Variants in CUL4A observed in about 807,000 individuals in gnomAD.
The protein encoded by CUL4A is cullin 4A.
In CUL4A, 16 loss-of-function variants were observed where a neutral mutation model predicts 95.5. The ratio of observed to expected loss-of-function variants is 0.17; its 90% CI spans 0.11 to 0.25. The LOEUF is 0.25. Among genes scored for constraint, CUL4A ranks in the 10% least tolerant of loss-of-function variants. The pLI, the probability that CUL4A is intolerant of heterozygous loss-of-function variation, is 1.00. For synonymous variants in CUL4A, 380 were observed against 353.1 expected (o/e 1.08, Z -0.85); for missense variants, 610 against 937.0 (o/e 0.65, Z 4.56).
chr13:113,225,566 A>G (rs2041071011), intron 3 of CUL4A, among the ~76,000 whole-genome samples: 1 of 152,256 alleles, frequency 6.6e-6, no homozygotes, highest in South Asian at 2.1e-4. Context: ...TGAGCTGCCC[A>G]GTGGTGTCAG....
At chr13:113,224,964 A>G (rs1261308394) in intron 3 of CUL4A, among the ~76,000 whole-genome samples, 1 of 152,176 alleles carries the variant, frequency 6.6e-6, no homozygotes, top group Non-Finnish European at 1.5e-5. Context: ...GAATTGCAGA[A>G]GCAGATAACC....
upstream of CUL4A, chr13:113,208,964 G>A: frequency 9.0e-7 from 1 of 1,113,928 alleles, no homozygotes; most frequent in Non-Finnish European, 1.1e-6. Flanking sequence ...CCCTTCGTCT[G>A]CCCCTTGTGA....
At chr13:113,226,308 CTTGGTTTGGCCAGTAT>C (rs2041102884) in intron 3 of CUL4A, among the ~76,000 whole-genome samples, 1 of 152,150 alleles carries the variant, frequency 6.6e-6, no homozygotes, top group South Asian at 2.1e-4. Flanking sequence ...AGAGAAGTCC[CTTGGTTTGGCCAGTAT>C]TGTGTTGCTG....
At position 113,254,765 on chromosome 13, in the gene CUL4A, A is replaced by G; in HGVS notation, c.1825A>G (p.Ser609Gly). Reference sequence around the variant, plus strand: ...CATGTTCAACGAGGGAGATGGCTTCAGCTTTGAGGAGATAAAAATGGCCAC... The same window carrying G: ...CATGTTCAACGAGGGAGATGGCTTCGGCTTTGAGGAGATAAAAATGGCCAC... ...LLMFNEGDGFSFEEIKMATGI... is the reference protein window; with the variant it reads ...LLMFNEGDGFGFEEIKMATGI... Residue 609 changes from serine (S) to glycine (G), a missense_variant, in exon 17 of 20, where the codon AGC (serine) becomes GGC (glycine). Transcript: ENST00000375440. The G allele has an allele frequency of 1.2e-6, 2 of 1,613,454 alleles. 1 individual carries two copies. Among genetic ancestry groups the G allele is most frequent in the South Asian group, 2.2e-5 (2 of 90,862 alleles).
chr13:113,256,198 C>A (rs1044631571), intron 18 of CUL4A, among the ~76,000 whole-genome samples: 1 of 152,164 alleles, frequency 6.6e-6, no homozygotes, highest in Non-Finnish European at 1.5e-5. Context: ...CATATGGCAC[C>A]TGTCAGGGCC....
At chr13:113,210,849 CAA>C (rs1368396122) in intron 2 of CUL4A, among the ~76,000 whole-genome samples, 3 of 152,078 alleles carry the variant, frequency 2.0e-5, no homozygotes, top group Non-Finnish European at 2.9e-5. Flanking sequence ...ATAAAAAATA[CAA>C]AAAAGAAGAC....
rs1183198740 is a variant in CUL4A at position 113,245,207 on chromosome 13, T to C, written c.1500T>C (p.Leu500=). ...KLEGMFKDME[L]SKDIMVHFKQ... is the part of the protein sequence containing the mutation. Reference sequence around the variant, plus strand: ...AAGGCATGTTCAAGGACATGGAGCTTTCGAAGGACATCATGGTTCATTTCA... The same window carrying C: ...AAGGCATGTTCAAGGACATGGAGCTCTCGAAGGACATCATGGTTCATTTCA... Residue 500 remains leucine, a synonymous_variant, in exon 14 of 20, where the codon CTT becomes CTC. Transcript: ENST00000375440. The C allele has an allele frequency of 6.2e-7, 1 of 1,614,170 alleles. No homozygotes were observed. Among genetic ancestry groups the C allele is most frequent in the South Asian group, 1.1e-5 (1 of 91,082 alleles).
At chr13:113,225,489 C>T (rs1318472917) in intron 3 of CUL4A, among the ~76,000 whole-genome samples, 1 of 152,188 alleles carries the variant, frequency 6.6e-6, no homozygotes, top group Non-Finnish European at 1.5e-5. Flanking sequence ...ATTTAATGAA[C>T]ACTTTACATT....
At chr13:113,256,547 C>T (rs965133231) in intron 18 of CUL4A, among the ~76,000 whole-genome samples, 2 of 152,140 alleles carry the variant, frequency 1.3e-5, no homozygotes, top group Admixed American at 1.3e-4. Flanking sequence ...GTCCTTCGCT[C>T]ACCCTGTTCT....
upstream of CUL4A, chr13:113,208,831 G>GCCCCCCGGGC: frequency 7.1e-7 from 1 of 1,408,652 alleles, no homozygotes; most frequent in Non-Finnish European, 9.2e-7. Context: ...TTCTGCCGGG[G>GCCCCCCGGGC]CCCCGTCCTC....
At chr13:113,256,782 CTT>C (rs1297908828) in intron 18 of CUL4A, among the ~76,000 whole-genome samples, 1 of 152,024 alleles carries the variant, frequency 6.6e-6, no homozygotes, top group Non-Finnish European at 1.5e-5. Context: ...TGATGCTGCT[CTT>C]TTTATGCTTA....
chr13:113,229,553 C>T, intron 5 of CUL4A, 34 bp downstream of exon 5: 1 of 1,553,992 alleles, frequency 6.4e-7, no homozygotes, highest in Non-Finnish European at 8.8e-7. Flanking sequence ...CTGCGTCTTC[C>T]CTGCAGCTGA....
At position 113,235,101 on chromosome 13, in the gene CUL4A, G is replaced by T. The variant is rs2041495513; in HGVS notation, c.804G>T (p.Glu268Asp). 1 of 1,613,422 alleles carries T rather than the reference G, an allele frequency of 6.2e-7. No homozygotes were observed. The highest frequency in any genetic ancestry group is 1.3e-5 in the African/African-American group (1 of 74,886). ...TTAACCATGTAAGTAAACGCTTAGA[G>T]GAAGAGGGAGACAGAGTAATCACTT... ...EYLNHVSKRL[E>D]EEGDRVITYL... Residue 268 changes from glutamate to aspartate, a missense_variant, in exon 8 of 20, where the codon GAG becomes GAT. Physicochemically the swap from Glu to Asp is conservative, Grantham distance 45. Transcript: ENST00000375440.
At chr13:113,260,202 T>A (rs1337889238) in intron 18 of CUL4A, among the ~76,000 whole-genome samples, 1 of 638 alleles carries the variant, frequency 1.6e-3, no homozygotes, top group Non-Finnish European at 3.1e-3. Flanking sequence ...AGACTCCGTC[T>A]CAAAAAAAAA....
Position 113,227,987 on chromosome 13 carries a change from A to G in CUL4A, c.380A>G (p.Asp127Gly). 1 of 1,608,760 alleles carries G rather than the reference A, an allele frequency of 6.2e-7. No individual in the cohort carries two copies. Among genetic ancestry groups the G allele is most frequent in the Non-Finnish European group, 8.5e-7 (1 of 1,175,126 alleles). Residue 127 changes from aspartate to glycine, a missense_variant, in exon 4 of 20, where the codon GAT becomes GGT. Physicochemically the swap from Asp to Gly is moderately conservative, Grantham distance 94. Transcript: ENST00000375440. The stretch of plus-strand genomic sequence containing the variant: ...TAGCAGATCTGTACAGACTCACTAG[A>G]TAGTGTTTTATTTTTAAAGAAGATT... ...QILPFREDSLDSVLFLKKINT... is the reference protein window; with the variant it reads ...QILPFREDSLGSVLFLKKINT...
At chr13:113,233,796 C>G in intron 6 of CUL4A, 101 bp from the exon 7 acceptor site, 1 of 778,330 alleles carries the variant, frequency 1.3e-6, no homozygotes, top group Non-Finnish European at 2.2e-6. Flanking sequence ...CCTCCAAGTT[C>G]AGGTCATGGC....
chr13:113,254,768 T>C lies in CUL4A; in HGVS notation c.1828T>C (p.Phe610Leu), dbSNP rs1273782836. Residue 610 changes from phenylalanine to leucine, a missense_variant, in exon 17 of 20, where the codon TTT (phenylalanine) becomes CTT (leucine). This residue lies in a region of CUL4A where 72 missense variants were observed against 93.2 expected (regional missense o/e 0.77). Coordinates refer to ENST00000375440, the MANE Select transcript of CUL4A (RefSeq NM_001008895.4). ...GTTCAACGAGGGAGATGGCTTCAGC[T>C]TTGAGGAGATAAAAATGGCCACGGG... ...LMFNEGDGFSFEEIKMATGIE... is the reference protein window; with the variant it reads ...LMFNEGDGFSLEEIKMATGIE... 2 of 1,613,772 alleles carry C rather than the reference T, an allele frequency of 1.2e-6. No individual in the cohort carries two copies. The highest frequency in any genetic ancestry group is 1.7e-5 in the Admixed American group (1 of 59,874).
At chr13:113,220,294 G>A (rs111515535) in intron 3 of CUL4A, among the ~76,000 whole-genome samples, 72 of 152,314 alleles carry the variant, frequency 4.7e-4, no homozygotes, top group Non-Finnish European at 8.4e-4. Flanking sequence ...GAGTGAAGTC[G>A]GTTCCAGCTC....
rs1289428677 is a variant in CUL4A at position 113,244,405 on chromosome 13, C to A, written c.1229-5C>A. 6.2e-7 allele frequency: 1 copy of A among 1,608,032 alleles called. No individual in the cohort carries two copies. Among genetic ancestry groups the A allele is most frequent in the Non-Finnish European group, 8.5e-7 (1 of 1,176,012 alleles). ...AGAGTATTTACTATATGTTTATGCT[C>A]ACAGCAAAGCATGTGGATTCAAAGT... On this transcript the variant is annotated splice_polypyrimidine_tract_variant and splice_region_variant and intron_variant, in intron 11 of 19. Coordinates refer to ENST00000375440, the MANE Select transcript of CUL4A (RefSeq NM_001008895.4).
Sources: allele counts gnomAD v4.1 joint callset (sites outside exome capture counted in the v4.1 genomes callset), GRCh38; gene constraint gnomAD v4.1.1; regional missense constraint gnomAD v4.1.1; transcripts MANE v1.5; gene names NCBI Gene and HGNC (gene_info 2026-07-23, HGNC 2026-07-21).